GGT1: variants seen among roughly 807,000 people sequenced by gnomAD.
GGT1 encodes gamma-glutamyltransferase 1.
A neutral mutation model predicts 56.0 loss-of-function variants in GGT1; 21 were observed. The observed-to-expected ratio is 0.38, with a 90% CI of 0.27 to 0.54. The LOEUF is 0.54. Ranked by LOEUF, GGT1 falls within the 20% of genes least tolerant of loss-of-function variation. The probability of loss-of-function intolerance (pLI) is 0.82; values close to 1 mark genes in which losing one functional copy is unlikely to be tolerated. For missense variants in GGT1, 466 were observed against 787.0 expected (o/e 0.59, Z 4.88); for synonymous variants, 238 against 342.6 (o/e 0.69, Z 3.37).
upstream of GGT1, chr22:24,593,232 G>A: frequency 1.6e-5 from 7 of 436,392 alleles, no homozygotes; most frequent in Non-Finnish European, 2.2e-5. Flanking sequence ...CACACTGGAG[G>A]AGGCCCTGCT....
At chr22:24,589,708 G>C in the GGT1 span, 5 of 1,256,688 alleles carry the variant, frequency 4.0e-6, no homozygotes, top group Admixed American at 8.8e-5. Flanking sequence ...ACTTGCCTAA[G>C]GCCACACAGC....
intron 7 of GGT1, among the ~76,000 whole-genome samples, chr22:24,619,593 C>T (rs1328488609): frequency 2.6e-5 from 4 of 151,818 alleles, no homozygotes; most frequent in African/African-American, 9.7e-5. Flanking sequence ...AACAAAAACC[C>T]TTATAGTTGG....
chr22:24,628,096 C>A lies in GGT1; in HGVS notation c.1352C>A (p.Ser451Ter), dbSNP rs750066232. Residue 451 changes from serine (S) to a stop codon, truncating the protein, a stop_gained, in exon 14 of 16, where the codon TCG becomes TAG. Coordinates refer to ENST00000400382, the MANE Select transcript of GGT1 (RefSeq NM_001288833.2). LOFTEE classifies it high-confidence loss of function. The surrounding 1 kb of genome is among the most constrained non-coding windows in gnomAD (Gnocchi z 5.7). ...TCGGCCGCAGGGAAGCAGCCGCTCT[C>A]GTCCATGTGCCCGACGATCATGGTG... ...NFIQPGKQPLSSMCPTIMVGQ... is the reference protein window; with the variant it reads ...NFIQPGKQPL 1.2e-6 allele frequency: 2 copies of A among 1,611,792 alleles called. No homozygotes were observed. The highest frequency in any genetic ancestry group is 2.2e-5 in the South Asian group (2 of 90,994).
intron 9 of GGT1, among the ~76,000 whole-genome samples, chr22:24,622,776 C>T (rs1320921587): frequency 1.3e-5 from 2 of 152,038 alleles, no homozygotes; most frequent in African/African-American, 4.8e-5. Flanking sequence ...ACTCTGTGGC[C>T]ACAGATGAGA....
At chr22:24,623,434 C>A (rs1318524862) in intron 10 of GGT1, among the ~76,000 whole-genome samples, 178 bp downstream of exon 10, 1 of 151,820 alleles carries the variant, frequency 6.6e-6, no homozygotes, top group Non-Finnish European at 1.5e-5. Context: ...TGCAGAGCGA[C>A]AGGGCTGAAG....
intron 2 of GGT1, chr22:24,609,727 C>T (rs1259280833): frequency 3.6e-5 from 11 of 308,394 alleles, no homozygotes; most frequent in South Asian, 2.8e-4. Context: ...CCACATCCCT[C>T]TTCCCTGTTG....
At chr22:24,594,384 C>CGTGTGTGT (rs762877347), upstream of GGT1, among the ~76,000 whole-genome samples, 3,021 of 140,134 alleles carry the variant, frequency 0.022, 119 homozygotes, top group African/African-American at 0.067. Flanking sequence ...GCCAAGCACC[C>CGTGTGTGT]GTGTGTATGT....
At chr22:24,604,495 G>A (rs569774391) in intron 1 of GGT1, among the ~76,000 whole-genome samples, 1 of 152,094 alleles carries the variant, frequency 6.6e-6, no homozygotes, top group East Asian at 1.9e-4. Flanking sequence ...GTGTGTGTGC[G>A]CACGTGCTTG....
the GGT1 span, among the ~76,000 whole-genome samples, chr22:24,587,043 C>T: frequency 6.6e-6 from 1 of 152,232 alleles, no homozygotes; most frequent in Admixed American, 6.5e-5. Flanking sequence ...GGTGAAGTAA[C>T]TCTTCCATGG....
At chr22:24,604,649 G>A (rs1471925561) in intron 1 of GGT1, among the ~76,000 whole-genome samples, 13 of 152,030 alleles carry the variant, frequency 8.6e-5, no homozygotes, top group African/African-American at 2.7e-4. Context: ...TTCTAGGCCA[G>A]CCCCTGCAGT....
Position 24,628,377 on chromosome 22 carries a change from A to G in GGT1, c.1552A>G (p.Asn518Asp). 6.2e-7 allele frequency: 1 copy of G among 1,611,026 alleles called. No individual in the cohort carries two copies. Among genetic ancestry groups the G allele is most frequent in the Non-Finnish European group, 8.5e-7 (1 of 1,179,848 alleles). Reference protein sequence around the residue: ...LLPNVTTVERNIDQAVTAALE... With the variant: ...LLPNVTTVERDIDQAVTAALE... ...GCCCAACGTCACGACAGTGGAGAGA[A>G]ACATTGACCAGGTGGGCCGGGGGTT... Residue 518 changes from asparagine (N) to aspartate (D), a missense_variant, in exon 15 of 16, where the codon AAC (asparagine) becomes GAC (aspartate). Asn to Asp is a conservative substitution (Grantham distance 23). Coordinates refer to ENST00000400382, the MANE Select transcript of GGT1 (RefSeq NM_001288833.2). The surrounding 1 kb of genome is among the most constrained non-coding windows in gnomAD (Gnocchi z 5.7).
At chr22:24,623,966 C>T (rs752741624) in intron 11 of GGT1, 50 bp downstream of exon 11, 2 of 1,608,604 alleles carry the variant, frequency 1.2e-6, no homozygotes, top group African/African-American at 2.7e-5. Flanking sequence ...GCCATAGAGG[C>T]ATCAGGTGGG....
At chr22:24,613,300 C>T (rs149797514) in intron 5 of GGT1, among the ~76,000 whole-genome samples, 7,984 of 152,064 alleles carry the variant, frequency 0.053, 689 homozygotes, top group African/African-American at 0.18. Context: ...TCTTGAACTC[C>T]TGGCCTCAAG....
At chr22:24,586,209 G>A in the GGT1 span, 12 of 1,613,582 alleles carry the variant, frequency 7.4e-6, no homozygotes, top group African/African-American at 9.3e-5. Flanking sequence ...TGGGTGAGGC[G>A]GGGCAGCGCC....
chr22:24,588,073 G>A, the GGT1 span: 1 of 673,272 alleles, frequency 1.5e-6, no homozygotes, highest in African/African-American at 1.8e-5. Context: ...CTGACTTCCA[G>A]GGTAGGGCCC....
chr22:24,588,285 G>A, the GGT1 span: 4 of 1,613,642 alleles, frequency 2.5e-6, no homozygotes, highest in Non-Finnish European at 3.4e-6. Context: ...GGTGGTAGAT[G>A]AGCTGTCGGC....
At chr22:24,587,973 C>T in the GGT1 span, among the ~76,000 whole-genome samples, 1 of 152,140 alleles carries the variant, frequency 6.6e-6, no homozygotes, top group Non-Finnish European at 1.5e-5. Flanking sequence ...GTATGAATGG[C>T]AGGAGGCAGG....
Position 24,623,103 on chromosome 22 carries a change from G to T in GGT1, c.734-4G>T. 6.2e-7 allele frequency: 1 copy of T among 1,611,866 alleles called. No individual in the cohort carries two copies. Among genetic ancestry groups the T allele is most frequent in the Non-Finnish European group, 8.5e-7 (1 of 1,179,810 alleles). ...CACCCATTTGAGCTGCTGTCCCATT[G>T]CAGGGGGCATTGTGACAGCTGAGGA... is the stretch of plus-strand genomic sequence containing the variant. On this transcript the variant is annotated splice_polypyrimidine_tract_variant and splice_region_variant and intron_variant, in intron 9 of 15. Coordinates refer to ENST00000400382, the MANE Select transcript of GGT1 (RefSeq NM_001288833.2).
intron 1 of GGT1, among the ~76,000 whole-genome samples, chr22:24,595,109 G>A (rs945441230): frequency 3.9e-5 from 6 of 152,176 alleles, no homozygotes; most frequent in African/African-American, 7.2e-5. Flanking sequence ...AGTGCTCAGA[G>A]CTTAGAGTCC....
Sources: allele counts gnomAD v4.1 joint callset (sites outside exome capture counted in the v4.1 genomes callset), GRCh38; gene constraint gnomAD v4.1.1; non-coding constraint Gnocchi (gnomAD v3.1); transcripts MANE v1.5; gene names NCBI Gene and HGNC (gene_info 2026-07-23, HGNC 2026-07-21).